The following ARHGEF28 variants were observed in gnomAD, a reference collection of about 807,000 sequenced individuals.
ARHGEF28 encodes Rho guanine nucleotide exchange factor 28.
Under a neutral mutation model 206.6 loss-of-function variants are expected in ARHGEF28, and 152 were observed. That is an observed-to-expected ratio of 0.74 (90% confidence interval 0.64 to 0.84). The LOEUF is 0.84. Ranked by LOEUF, ARHGEF28 falls within the 40% of genes least tolerant of loss-of-function variation. The pLI is 0.00. For synonymous variants in ARHGEF28, 763 were observed against 776.4 expected (o/e 0.98, Z 0.29); for missense variants, 2,028 against 2,073.2 (o/e 0.98, Z 0.42).
At chr5:73,708,600 A>T (rs535747123) in intron 2 of ARHGEF28, among the ~76,000 whole-genome samples, 1 of 151,882 alleles carries the variant, frequency 6.6e-6, no homozygotes, top group African/African-American at 2.4e-5. Flanking sequence ...TTCTTTATTC[A>T]CTCTACCATT....
intron 24 of ARHGEF28, 124 bp downstream of exon 24, chr5:73,884,008 C>A: frequency 2.1e-6 from 1 of 471,340 alleles, no homozygotes; most frequent in East Asian, 3.5e-5. Context: ...GACGGAGAAA[C>A]TGTTAAAGCC....
intron 6 of ARHGEF28, among the ~76,000 whole-genome samples, chr5:73,779,985 A>G (rs901347824): frequency 6.6e-6 from 1 of 152,208 alleles, no homozygotes; most frequent in Admixed American, 6.5e-5. Context: ...TTACCTGCCC[A>G]AGTATACTGA....
At chr5:73,924,228 A>T (rs1763679047) in intron 35 of ARHGEF28, among the ~76,000 whole-genome samples, 1 of 152,198 alleles carries the variant, frequency 6.6e-6, no homozygotes, top group African/African-American at 2.4e-5. Context: ...TGAACACATC[A>T]AGTGCACTTT....
At chr5:73,915,525 C>T (rs1437686520) in intron 35 of ARHGEF28, among the ~76,000 whole-genome samples, 1 of 152,064 alleles carries the variant, frequency 6.6e-6, no homozygotes, top group Non-Finnish European at 1.5e-5. Context: ...CTATGGGACA[C>T]CAGCCAAGAC....
At chr5:73,894,000 C>T (rs73762541) in intron 28 of ARHGEF28, among the ~76,000 whole-genome samples, 1,802 of 150,506 alleles carry the variant, frequency 0.012, 38 homozygotes, top group African/African-American at 0.043. Context: ...TTTGGTTTAG[C>T]CTGTGCCGTT....
rs1742583132 is a variant in ARHGEF28 at position 73,941,031 on chromosome 5, C to CAAACA, written c.*29_*33dup. ...ACCTCTAATTGTGTTGTCATTTTTC[C>CAAACA]AAACAAAACAAAACACTGGCACTTT... On this transcript the variant is annotated 3_prime_UTR_variant, in exon 36 of 36. Coordinates refer to ENST00000513042, the MANE Select transcript of ARHGEF28 (RefSeq NM_001177693.2). 5 of 1,458,324 alleles carry CAAACA rather than the reference C, an allele frequency of 3.4e-6. No individual in the cohort carries two copies. Among genetic ancestry groups the CAAACA allele is most frequent in the Non-Finnish European group, 2.7e-6 (3 of 1,112,106 alleles). 90.3% of individuals were successfully genotyped at this position (1,458,324 alleles called of 1,614,324 possible).
intron 14 of ARHGEF28, among the ~76,000 whole-genome samples, chr5:73,853,507 A>G (rs1215638477): frequency 6.6e-6 from 1 of 152,246 alleles, no homozygotes; most frequent in African/African-American, 2.4e-5. Flanking sequence ...TCCTGGAATC[A>G]AAGTATTAAT....
chr5:73,747,146 T>G (rs1430000422), intron 2 of ARHGEF28, among the ~76,000 whole-genome samples: 3 of 152,202 alleles, frequency 2.0e-5, no homozygotes, highest in Admixed American at 6.5e-5. Flanking sequence ...CTCTATTGTT[T>G]CTATGTAGAA....
chr5:73,702,482 A>G (rs575613231), intron 2 of ARHGEF28, among the ~76,000 whole-genome samples: 70 of 152,184 alleles, frequency 4.6e-4, no homozygotes, highest in Non-Finnish European at 8.7e-4. Context: ...TGCCTCTATG[A>G]ATTTTATTAC....
intron 9 of ARHGEF28, among the ~76,000 whole-genome samples, chr5:73,798,512 G>A (rs568355942): frequency 6.6e-6 from 1 of 152,296 alleles, no homozygotes; most frequent in East Asian, 1.9e-4. Flanking sequence ...TGACATCTAT[G>A]TCTAATGCAG....
rs146806453 is a variant in ARHGEF28 at position 73,685,084 on chromosome 5, T to C, written c.33+200T>C. Reference sequence around the variant, plus strand: ...GGCTCCTGTTTTAAACTCTGGATTTTATATTTCCCTCAGTATTTTTTTAAG... The same window carrying C: ...GGCTCCTGTTTTAAACTCTGGATTTCATATTTCCCTCAGTATTTTTTTAAG... On this transcript the variant is annotated intron_variant, in intron 2 of 35. Transcript: ENST00000513042. 7.1e-3 allele frequency among the ~76,000 whole-genome samples: 1,086 copies of C among 152,342 alleles called. 7 individuals are homozygous for C. Among genetic ancestry groups the C allele is most frequent in the African/African-American group, 0.024 (997 of 41,578 alleles).
chr5:73,637,471 G>C (rs1256383183), intron 1 of ARHGEF28, among the ~76,000 whole-genome samples: 1 of 152,210 alleles, frequency 6.6e-6, no homozygotes. Context: ...TTATAAAAAG[G>C]TAGTATTTTA....
chr5:73,861,467 C>T (rs958222749), intron 16 of ARHGEF28, among the ~76,000 whole-genome samples: 1 of 152,176 alleles, frequency 6.6e-6, no homozygotes, highest in East Asian at 1.9e-4. Flanking sequence ...GAGCCTTGCT[C>T]TGTTGCCCAG....
intron 2 of ARHGEF28, among the ~76,000 whole-genome samples, chr5:73,736,954 A>G (rs1304944512): frequency 6.6e-6 from 1 of 152,186 alleles, no homozygotes; most frequent in Non-Finnish European, 1.5e-5. Flanking sequence ...GCTTCTGCCT[A>G]AAGTGGCTGG....
chr5:73,781,691 C>T (rs941668824), intron 7 of ARHGEF28, among the ~76,000 whole-genome samples: 27 of 152,150 alleles, frequency 1.8e-4, no homozygotes, highest in Non-Finnish European at 2.9e-4. Flanking sequence ...AATCTAACCA[C>T]ATTATTGCGT....
intron 35 of ARHGEF28, among the ~76,000 whole-genome samples, chr5:73,924,550 A>G (rs571332802): frequency 6.6e-6 from 1 of 152,336 alleles, no homozygotes; most frequent in South Asian, 2.1e-4. Flanking sequence ...GTACATGATT[A>G]GGAAGTGCAT....
chr5:73,922,568 A>G (rs1266759173), intron 35 of ARHGEF28, among the ~76,000 whole-genome samples: 2 of 151,994 alleles, frequency 1.3e-5, no homozygotes, highest in African/African-American at 4.8e-5. Context: ...TTTTTTTTCT[A>G]ATTTTAGCAT....
intron 9 of ARHGEF28, among the ~76,000 whole-genome samples, chr5:73,802,787 A>G (rs1282295624): frequency 6.6e-6 from 1 of 151,892 alleles, no homozygotes; most frequent in African/African-American, 2.4e-5. Context: ...GTGTTGAAAC[A>G]CTTCAGAATA....
intron 29 of ARHGEF28, 76 bp from the exon 30 acceptor site, chr5:73,897,886 T>C: frequency 1.4e-6 from 2 of 1,466,958 alleles, no homozygotes; most frequent in Non-Finnish European, 1.8e-6. Flanking sequence ...CAAATGCGAT[T>C]TGCCAATTCC....
Sources: allele counts gnomAD v4.1 joint callset (sites outside exome capture counted in the v4.1 genomes callset), GRCh38; gene constraint gnomAD v4.1.1; transcripts MANE v1.5; gene names NCBI Gene and HGNC (gene_info 2026-07-23, HGNC 2026-07-21).